DCP2: variants seen among roughly 807,000 people sequenced by gnomAD.
The protein encoded by DCP2 is decapping mRNA 2.
In DCP2, 30 loss-of-function variants were observed where a neutral mutation model predicts 56.1. The observed-to-expected ratio is 0.53, with a 90% CI of 0.40 to 0.73. The LOEUF (loss-of-function observed/expected upper bound fraction) is 0.73. Among genes scored for constraint, DCP2 ranks in the 30% least tolerant of loss-of-function variants. The pLI is 0.00. For synonymous variants in DCP2, 197 were observed against 163.3 expected (o/e 1.21, Z -1.57); for missense variants, 533 against 502.7 (o/e 1.06, Z -0.58).
At chr5:112,983,110 G>A (rs970674037) in intron 1 of DCP2, among the ~76,000 whole-genome samples, 2 of 152,206 alleles carry the variant, frequency 1.3e-5, no homozygotes, top group African/African-American at 4.8e-5. Flanking sequence ...CATGCCAAGG[G>A]CATTCTGAAT....
intron 2 of DCP2, among the ~76,000 whole-genome samples, chr5:112,987,620 C>CCTT (rs1748356511): frequency 4.3e-5 from 3 of 69,736 alleles, no homozygotes; most frequent in African/African-American, 1.9e-4. Context: ...ACCTAGGTGC[C>CCTT]TTTTTTTTTT....
At chr5:112,997,184 C>A (rs927930577) in intron 4 of DCP2, among the ~76,000 whole-genome samples, 13 of 152,146 alleles carry the variant, frequency 8.5e-5, no homozygotes, top group Admixed American at 3.3e-4. Flanking sequence ...ATGAGTAATT[C>A]CATTTTGTTT....
At chr5:112,991,709 C>G (rs1295451282) in intron 2 of DCP2, among the ~76,000 whole-genome samples, 1 of 152,072 alleles carries the variant, frequency 6.6e-6, no homozygotes, top group East Asian at 1.9e-4. Flanking sequence ...ATATGTAATT[C>G]TATTTCTTGT....
chr5:113,001,193 C>G lies in DCP2; in HGVS notation c.542C>G (p.Pro181Arg), dbSNP rs1359811072. 1 of 1,612,782 alleles carries G rather than the reference C, an allele frequency of 6.2e-7. No homozygotes were observed. ...LARLYIIPGI[P>R]KDTKFNPKTR... ...CGTTTGTACATCATTCCAGGAATTC[C>G]AAAAGACACAAAATTTAACCCAAAA... The change falls in exon 5 of 11, where the codon CCA becomes CGA. Residue 181 changes from proline to arginine, a missense_variant. By Grantham distance (103) the Pro-to-Arg change is moderately radical. Transcript: ENST00000389063.
In DCP2 at chr5:113,016,166, C is replaced by T. The variant is rs1034739238; in HGVS notation, c.*2682C>T. On this transcript the variant is annotated 3_prime_UTR_variant, in exon 11 of 11. Transcript: ENST00000389063. ...TAAATGAATTGTTTTTGTACCTAAC[C>T]ATTGTAATCCAAAAGATAAGGGTGT... The T allele has an allele frequency of 5.9e-5, 9 of 152,540 alleles. No individual in the cohort carries two copies. Among genetic ancestry groups the T allele is most frequent in the African/African-American group, 2.2e-4 (9 of 41,408 alleles). 9.4% of individuals were successfully genotyped at this position (152,540 alleles called of 1,614,324 possible).
rs1360487230 is a variant in DCP2, at chr5:113,016,225, A to G, written c.*2741A>G. 1.3e-5 allele frequency: 2 copies of G among 152,664 alleles called. No homozygotes were observed. The highest frequency in any genetic ancestry group is 4.8e-5 in the African/African-American group (2 of 41,460). 9.5% of individuals were successfully genotyped at this position (152,664 alleles called of 1,614,324 possible). On this transcript the variant is annotated 3_prime_UTR_variant, in exon 11 of 11. Coordinates refer to ENST00000389063, the MANE Select transcript of DCP2 (RefSeq NM_152624.6). ...TGCTTTTCAAAAATTTTTGTTAAGA[A>G]GTAGCAAATGAATGGTTTAGGATTT...
intron 1 of DCP2, among the ~76,000 whole-genome samples, chr5:112,982,134 T>C (rs1370896646): frequency 6.6e-6 from 1 of 152,144 alleles, no homozygotes; most frequent in Non-Finnish European, 1.5e-5. Context: ...GTTCTAACTT[T>C]GGTGTTTTTG....
intron 4 of DCP2, among the ~76,000 whole-genome samples, chr5:112,995,176 A>G (rs1169461972): frequency 6.6e-6 from 1 of 152,234 alleles, no homozygotes. Context: ...GCTATTATTT[A>G]CAACAGCCTA....
chr5:112,992,810 T>C, intron 4 of DCP2, 40 bp downstream of exon 4: 1 of 1,498,898 alleles, frequency 6.7e-7, no homozygotes, highest in Non-Finnish European at 8.9e-7. Context: ...ATTTGGCTAT[T>C]AGGGTCTGAA....
intron 2 of DCP2, among the ~76,000 whole-genome samples, chr5:112,989,028 A>G (rs953522562): frequency 2.0e-5 from 3 of 152,246 alleles, no homozygotes; most frequent in Non-Finnish European, 4.4e-5. Flanking sequence ...AATGTGGTAC[A>G]CTTCATTAAG....
chr5:112,980,702 A>G (rs1201128989), intron 1 of DCP2, among the ~76,000 whole-genome samples: 1 of 152,188 alleles, frequency 6.6e-6, no homozygotes, highest in African/African-American at 2.4e-5. Flanking sequence ...AATCATGTAC[A>G]TGGTTTTGAA....
intron 1 of DCP2, among the ~76,000 whole-genome samples, chr5:112,982,780 G>T (rs1212457469): frequency 6.6e-6 from 1 of 152,076 alleles, no homozygotes; most frequent in Non-Finnish European, 1.5e-5. Flanking sequence ...CCTCACTCCT[G>T]TTTTCTTCTG....
At chr5:112,989,036 A>T (rs1221352652) in intron 2 of DCP2, among the ~76,000 whole-genome samples, 3 of 152,222 alleles carry the variant, frequency 2.0e-5, no homozygotes, top group African/African-American at 7.2e-5. Context: ...ACACTTCATT[A>T]AGTAACTTCA....
chr5:112,992,897 C>A (rs974661537), intron 4 of DCP2, 127 bp downstream of exon 4: 1 of 440,850 alleles, frequency 2.3e-6, no homozygotes. Flanking sequence ...CATGAAGTAA[C>A]TTACTTTTTT....
At chr5:112,977,111 C>A (rs746195784) in intron 1 of DCP2, 125 bp downstream of exon 1, 2 of 670,430 alleles carry the variant, frequency 3.0e-6, no homozygotes, top group Non-Finnish European at 4.7e-6. Flanking sequence ...CGCCGCTGCT[C>A]GCTTTCCATC....
rs1163607057 is a variant in DCP2, at chr5:113,021,856, A to AG, written c.*8376dup. ...TCCATTTTAATGATCTTTCTTTAAG[A>AG]GGGGAAAAGACTCTCTTCAATAGAT... is the stretch of plus-strand genomic sequence containing the variant. On this transcript the variant is annotated 3_prime_UTR_variant, in exon 11 of 11. Transcript: ENST00000389063. Among the ~76,000 whole-genome samples, 3 of 152,294 alleles carry AG rather than the reference A, an allele frequency of 2.0e-5. No individual in the cohort carries two copies. In the South Asian group the frequency reaches 6.2e-4, roughly 32 times the overall value.
At chr5:112,980,433 G>C (rs953897906) in intron 1 of DCP2, among the ~76,000 whole-genome samples, 1 of 152,176 alleles carries the variant, frequency 6.6e-6, no homozygotes, top group Non-Finnish European at 1.5e-5. Context: ...TCTACTAATT[G>C]CAATCCTTGT....
chr5:113,000,474 C>A (rs547026752), intron 4 of DCP2, among the ~76,000 whole-genome samples: 1 of 151,850 alleles, frequency 6.6e-6, no homozygotes, highest in Non-Finnish European at 1.5e-5. Flanking sequence ...TTAATGGTGT[C>A]TTTGAAGACA....
intron 2 of DCP2, among the ~76,000 whole-genome samples, chr5:112,989,018 A>C (rs976011975): frequency 1.3e-5 from 2 of 152,246 alleles, no homozygotes; most frequent in South Asian, 2.1e-4. Flanking sequence ...AGGAATGTTT[A>C]ATGTGGTACA....
Sources: allele counts gnomAD v4.1 joint callset (sites outside exome capture counted in the v4.1 genomes callset), GRCh38; gene constraint gnomAD v4.1.1; transcripts MANE v1.5; gene names NCBI Gene and HGNC (gene_info 2026-07-23, HGNC 2026-07-21).